The following WSCD2 variants were observed in gnomAD, a reference collection of about 807,000 sequenced individuals.
The protein encoded by WSCD2 is sialate:O-sulfotransferase 2.
A neutral mutation model predicts 55.7 loss-of-function variants in WSCD2; 28 were observed. The observed-to-expected ratio is 0.50, with a 90% CI of 0.37 to 0.69. The LOEUF is 0.69. Among genes scored for constraint, WSCD2 ranks in the 30% least tolerant of loss-of-function variants. The probability of loss-of-function intolerance (pLI) is 0.00; values close to 1 mark genes in which losing one functional copy is unlikely to be tolerated. For missense variants in WSCD2, 616 were observed against 762.1 expected (o/e 0.81, Z 2.26); for synonymous variants, 301 against 301.9 (o/e 1.00, Z 0.03).
At chr12:108,147,719 A>C (rs1877548982) in intron 1 of WSCD2, among the ~76,000 whole-genome samples, 1 of 152,058 alleles carries the variant, frequency 6.6e-6, no homozygotes, top group South Asian at 2.1e-4. Context: ...TCTACAAAAA[A>C]ATTACAGAAA....
chr12:108,232,553 T>C (rs1457681531), intron 6 of WSCD2, among the ~76,000 whole-genome samples, 178 bp from the exon 7 acceptor site: 1 of 152,098 alleles, frequency 6.6e-6, no homozygotes, highest in African/African-American at 2.4e-5. Flanking sequence ...ACCATCTCCC[T>C]CATTTTACAG....
At chr12:108,189,590 A>G (rs1385512565) in intron 1 of WSCD2, 1 of 152,214 alleles carries the variant, frequency 6.6e-6, no homozygotes, top group Admixed American at 6.5e-5. Context: ...ACCAAAAAGG[A>G]AAGGACTGAC....
At chr12:108,196,308 A>G in intron 2 of WSCD2, 94 bp downstream of exon 2, 4 of 1,445,670 alleles carry the variant, frequency 2.8e-6, no homozygotes, top group Non-Finnish European at 3.7e-6. Flanking sequence ...AGTGTTTAAT[A>G]GGAACCAGCT....
intron 1 of WSCD2, among the ~76,000 whole-genome samples, chr12:108,183,386 T>A (rs1172868154): frequency 3.9e-5 from 6 of 152,124 alleles, no homozygotes; most frequent in African/African-American, 1.4e-4. Context: ...GTTAACTCTG[T>A]GTATGTGCTG....
chr12:108,135,523 T>TCTC (rs1242123750), intron 1 of WSCD2, among the ~76,000 whole-genome samples: 1 of 152,218 alleles, frequency 6.6e-6, no homozygotes, highest in African/African-American at 2.4e-5. Flanking sequence ...TCCTATTCTT[T>TCTC]CTCCTCCTCC....
chr12:108,174,790 C>T (rs1038694215), intron 1 of WSCD2, among the ~76,000 whole-genome samples: 7 of 152,090 alleles, frequency 4.6e-5, no homozygotes, highest in East Asian at 1.9e-4. Flanking sequence ...AACTTTAAAA[C>T]GTGAGTTTTT....
At chr12:108,130,600 G>C (rs1384535752) in intron 1 of WSCD2, among the ~76,000 whole-genome samples, 1 of 151,630 alleles carries the variant, frequency 6.6e-6, no homozygotes, top group African/African-American at 2.4e-5. Flanking sequence ...GCAGCCCCAG[G>C]TATCTTGGAA....
intron 1 of WSCD2, among the ~76,000 whole-genome samples, chr12:108,173,808 C>CTGTGTGTGTGTGTGTGTG (rs1300986533): frequency 5.9e-5 from 6 of 100,906 alleles, no homozygotes; most frequent in African/African-American, 2.7e-4. Context: ...ATTCCTGGCT[C>CTGTGTGTGTGTGTGTGTG]TCTGTGTGTG....
intron 1 of WSCD2, among the ~76,000 whole-genome samples, chr12:108,152,398 C>T (rs1281542247): frequency 6.6e-6 from 1 of 152,186 alleles, no homozygotes; most frequent in African/African-American, 2.4e-5. Flanking sequence ...AGGACATGTG[C>T]GCTGGGCTCC....
intron 1 of WSCD2, among the ~76,000 whole-genome samples, chr12:108,162,203 G>A (rs1249770776): frequency 6.6e-6 from 1 of 152,236 alleles, no homozygotes; most frequent in Non-Finnish European, 1.5e-5. Context: ...TTCCAAGCCT[G>A]AAGACAACGT....
At chr12:108,237,212 C>T (rs2888966) in intron 7 of WSCD2, among the ~76,000 whole-genome samples, 107,436 of 152,090 alleles carry the variant, frequency 0.71, 38,081 homozygotes, top group East Asian at 0.86. Flanking sequence ...CTTCTCTGTT[C>T]CTTAGCTCCC....
chr12:108,224,707 T>C, intron 4 of WSCD2, 32 bp from the exon 5 acceptor site: 1 of 1,601,818 alleles, frequency 6.2e-7, no homozygotes, highest in African/African-American at 1.3e-5. Context: ...TCCTTGTATA[T>C]CTGACTAGTC....
At chr12:108,239,876 G>C (rs1889583724) in intron 7 of WSCD2, among the ~76,000 whole-genome samples, 1 of 152,068 alleles carries the variant, frequency 6.6e-6, no homozygotes, top group Non-Finnish European at 1.5e-5. Context: ...ACCATGCCTG[G>C]CTAATTTTTT....
intron 4 of WSCD2, 37 bp from the exon 5 acceptor site, chr12:108,224,700 TTG>T: frequency 1.3e-6 from 2 of 1,598,176 alleles, no homozygotes; most frequent in Non-Finnish European, 1.7e-6. Context: ...ATCTGACTCC[TTG>T]TATATCTGAC....
chr12:108,224,872 G>T lies in WSCD2; in HGVS notation c.804+12G>T, dbSNP rs781777815. The T allele has an allele frequency of 1.9e-6, 3 of 1,611,424 alleles. No homozygotes were observed. The highest frequency in any genetic ancestry group is 2.5e-6 in the Non-Finnish European group (3 of 1,179,644). ...TCTGCACTGAGAAGGTGAGCACAAG[G>T]TGGGGCCCATGGAACTCAGGGGGAG... On this transcript the variant is annotated intron_variant, in intron 5 of 8. Transcript: ENST00000547525.
intron 4 of WSCD2, among the ~76,000 whole-genome samples, chr12:108,218,380 G>A (rs919815132): frequency 6.6e-6 from 1 of 152,208 alleles, no homozygotes; most frequent in Non-Finnish European, 1.5e-5. Flanking sequence ...CTCATCCTGA[G>A]CCTGTCAGTC....
At chr12:108,204,610 G>A (rs1885104184) in intron 2 of WSCD2, among the ~76,000 whole-genome samples, 1 of 152,228 alleles carries the variant, frequency 6.6e-6, no homozygotes, top group South Asian at 2.1e-4. Flanking sequence ...CAAGCACAGA[G>A]ACAAGACCCG....
At chr12:108,230,954 G>A (rs1202823841) in intron 6 of WSCD2, among the ~76,000 whole-genome samples, 1 of 152,192 alleles carries the variant, frequency 6.6e-6, no homozygotes, top group Non-Finnish European at 1.5e-5. Flanking sequence ...GGGGTGAAGG[G>A]GAGCTGGTGG....
chr12:108,229,538 T>C (rs1888507829), intron 6 of WSCD2, among the ~76,000 whole-genome samples: 1 of 152,206 alleles, frequency 6.6e-6, no homozygotes, highest in Admixed American at 6.5e-5. Flanking sequence ...GTGTAAGGTT[T>C]ATTAGCCCTG....
Sources: gnomAD v4.1 joint callset for allele counts (sites outside exome capture counted in the v4.1 genomes callset) on GRCh38, gnomAD v4.1.1 for gene constraint, MANE v1.5 for transcripts, NCBI Gene and HGNC (gene_info 2026-07-23, HGNC 2026-07-21) for gene names.